Variants in RGL1 observed in about 807,000 individuals in gnomAD.
The protein encoded by RGL1 is ral guanine nucleotide dissociation stimulator like 1.
In RGL1, 24 loss-of-function variants were observed where a neutral mutation model predicts 95.2. The observed-to-expected ratio is 0.25, with a 90% CI of 0.18 to 0.35. The LOEUF (loss-of-function observed/expected upper bound fraction) is 0.35. Ranked by LOEUF, RGL1 falls within the 10% of genes least tolerant of loss-of-function variation. RGL1 has a pLI of 1.00. For synonymous variants in RGL1, 329 were observed against 344.9 expected, an observed-to-expected ratio of 0.95 and a Z score of 0.51; for missense variants, 715 against 936.3, an observed-to-expected ratio of 0.76 and a Z score of 3.08.
At position 183,808,761 on chromosome 1, in the gene RGL1, C is replaced by CT. The variant is rs879323418; in HGVS notation, c.138+2290dup. ...GTGTTGTGATGATCTCTCTCTCTCT[C>CT]TTTTTTTTTTTTTTAACATGAGGAG... On this transcript the variant is annotated intron_variant, in intron 2 of 17. Coordinates refer to ENST00000360851, the MANE Select transcript of RGL1 (RefSeq NM_001297671.3). Among the ~76,000 whole-genome samples the CT allele has an allele frequency of 8.4e-3, 1,204 of 143,064 alleles. 12 individuals carry two copies. The highest frequency in any genetic ancestry group is 0.044 in the East Asian group (217 of 4,938). The allele number at this position is 143,064 out of a possible 152,430, so 93.9% of individuals were successfully genotyped here.
intron 1 of RGL1, among the ~76,000 whole-genome samples, chr1:183,688,858 A>T (rs1438778592): frequency 6.6e-6 from 1 of 152,230 alleles, no homozygotes; most frequent in East Asian, 1.9e-4. Flanking sequence ...TTAAAGCAGG[A>T]TATTAAACTT....
At chr1:183,676,517 C>G (rs112144852) in intron 1 of RGL1, among the ~76,000 whole-genome samples, 5 of 151,980 alleles carry the variant, frequency 3.3e-5, no homozygotes, top group African/African-American at 7.2e-5. Context: ...TTCAATGAAT[C>G]TAGTTTGTAT....
intron 2 of RGL1, among the ~76,000 whole-genome samples, chr1:183,745,530 A>G (rs1459649920): frequency 6.6e-6 from 1 of 151,994 alleles, no homozygotes; most frequent in Non-Finnish European, 1.5e-5. Context: ...TTCCATATGG[A>G]TAATTAATTA....
intron 2 of RGL1, among the ~76,000 whole-genome samples, chr1:183,780,053 G>T (rs2102352410): frequency 6.6e-6 from 1 of 152,278 alleles, no homozygotes; most frequent in East Asian, 1.9e-4. Flanking sequence ...AAAGGATATA[G>T]AATTTGATAA....
intron 2 of RGL1, among the ~76,000 whole-genome samples, chr1:183,844,424 C>G (rs2491432): frequency 0.43 from 66,123 of 152,010 alleles, 15,231 homozygotes; most frequent in African/African-American, 0.59. Flanking sequence ...AAGATGCTCT[C>G]AGACTAAAGA....
At chr1:183,870,980 C>T (rs953881889) in intron 4 of RGL1, among the ~76,000 whole-genome samples, 2 of 152,168 alleles carry the variant, frequency 1.3e-5, no homozygotes, top group African/African-American at 4.8e-5. Flanking sequence ...TTGGCTTAGT[C>T]CCTTCACCTC....
chr1:183,699,292 G>A (rs1281149027), intron 1 of RGL1, among the ~76,000 whole-genome samples: 2 of 152,294 alleles, frequency 1.3e-5, no homozygotes, highest in African/African-American at 4.8e-5. Context: ...GACTGAGTAA[G>A]CATCCTTGAA....
intron 16 of RGL1, 60 bp from the exon 17 acceptor site, chr1:183,922,162 A>C (rs1669340894): frequency 7.3e-7 from 1 of 1,362,548 alleles, no homozygotes; most frequent in Non-Finnish European, 1.0e-6. Context: ...GAGGGTCAGG[A>C]GAACTCCCTC....
chr1:183,873,539 A>G (rs1209953118), intron 4 of RGL1, among the ~76,000 whole-genome samples: 1 of 152,210 alleles, frequency 6.6e-6, no homozygotes, highest in Non-Finnish European at 1.5e-5. Flanking sequence ...CTGGGTGGGA[A>G]GCCCAGGCAT....
intron 3 of RGL1, among the ~76,000 whole-genome samples, chr1:183,863,664 A>T (rs1400001859): frequency 1.3e-5 from 2 of 152,122 alleles, no homozygotes; most frequent in African/African-American, 2.4e-5. Flanking sequence ...AAGTGTTTGG[A>T]TTCAGGATAT....
At chr1:183,893,895 TGTTTGGCTGCATGAATTGATGG>T (rs1258201338) in intron 9 of RGL1, among the ~76,000 whole-genome samples, 1 of 152,180 alleles carries the variant, frequency 6.6e-6, no homozygotes, top group African/African-American at 2.4e-5. Context: ...CAGAAGCTAT[TGTTTGGCTGCATGAATTGATGG>T]GTCTTATCAT....
intron 1 of RGL1, among the ~76,000 whole-genome samples, chr1:183,706,129 G>T (rs1004869764): frequency 6.6e-6 from 1 of 152,146 alleles, no homozygotes; most frequent in Non-Finnish European, 1.5e-5. Flanking sequence ...GGGTACTATG[G>T]GGAATGTGGA....
chr1:183,859,744 C>T (rs1172737475), intron 3 of RGL1, among the ~76,000 whole-genome samples: 1 of 152,108 alleles, frequency 6.6e-6, no homozygotes, highest in Non-Finnish European at 1.5e-5. Context: ...TCTTCTTGGC[C>T]CCTTCCTTTC....
At chr1:183,838,924 T>C (rs1232698066) in intron 2 of RGL1, among the ~76,000 whole-genome samples, 1 of 152,212 alleles carries the variant, frequency 6.6e-6, no homozygotes, top group Non-Finnish European at 1.5e-5. Flanking sequence ...ATTTGGCTCG[T>C]GCAAGAGGTT....
At chr1:183,671,620 C>G (rs1486489610) in intron 1 of RGL1, among the ~76,000 whole-genome samples, 1 of 152,068 alleles carries the variant, frequency 6.6e-6, no homozygotes, top group African/African-American at 2.4e-5. Flanking sequence ...ATTTGGATAG[C>G]TAATGCCCCA....
chr1:183,745,452 A>G lies in RGL1; in HGVS notation c.132+3163A>G, dbSNP rs538058186. On this transcript the variant is annotated intron_variant, in intron 2 of 18. Coordinates refer to the RGL1 transcript ENST00000304685. ...CTCCTGTGTTTCCTAAAAGTTCTAA[A>G]AGTTCTAAATGTTTGCTTTTATTTG... 4.6e-5 allele frequency among the ~76,000 whole-genome samples: 7 copies of G among 152,194 alleles called. No homozygotes were observed. The East Asian group carries it at 1.3e-3, about 29-fold the overall frequency.
intron 1 of RGL1, among the ~76,000 whole-genome samples, chr1:183,649,980 T>A (rs2101995759): frequency 6.6e-6 from 1 of 151,958 alleles, no homozygotes; most frequent in African/African-American, 2.4e-5. Flanking sequence ...CCCAGATAAT[T>A]TTTTTATTTT....
chr1:183,773,573 T>C (rs1009524088), intron 2 of RGL1, among the ~76,000 whole-genome samples: 1 of 152,222 alleles, frequency 6.6e-6, no homozygotes, highest in African/African-American at 2.4e-5. Context: ...GACTTGTACT[T>C]GCCAACAATA....
At chr1:183,924,300 G>A (rs1391423610) in intron 17 of RGL1, among the ~76,000 whole-genome samples, 1 of 152,164 alleles carries the variant, frequency 6.6e-6, no homozygotes, top group Non-Finnish European at 1.5e-5. Flanking sequence ...AAAAGGATGA[G>A]TTCATGTCCT....
Sources: gnomAD v4.1 joint callset for allele counts (sites outside exome capture counted in the v4.1 genomes callset) on GRCh38, gnomAD v4.1.1 for gene constraint, MANE v1.5 for transcripts, NCBI Gene and HGNC (gene_info 2026-07-23, HGNC 2026-07-21) for gene names.